Variants in ARFGAP2 observed in about 807,000 individuals in gnomAD.
ARFGAP2 encodes ADP-ribosylation factor GTPase-activating protein 2.
In ARFGAP2, 45 loss-of-function variants were observed where a neutral mutation model predicts 71.9. That is an observed-to-expected ratio of 0.63 (90% CI 0.49 to 0.80). The LOEUF is 0.80. ARFGAP2 is among the 30% of genes least tolerant of loss of function. The probability of loss-of-function intolerance (pLI) is 0.00; values close to 1 mark genes in which losing one functional copy is unlikely to be tolerated. For synonymous variants in ARFGAP2, 248 were observed against 249.2 expected, an observed-to-expected ratio of 1.00 and a Z score of 0.05; for missense variants, 633 against 673.9, an observed-to-expected ratio of 0.94 and a Z score of 0.67.
intron 7 of ARFGAP2, 22 bp downstream of exon 7, chr11:47,173,404 G>A (rs761549459): frequency 1.9e-6 from 3 of 1,552,082 alleles, no homozygotes; most frequent in Admixed American, 2.0e-5. Context: ...GACACCCCAC[G>A]CCTGCCCGCT....
At position 47,173,509 on chromosome 11, in the gene ARFGAP2, G is replaced by A. The variant is rs1243234386; in HGVS notation, c.563-27C>T. The A allele has an allele frequency of 3.2e-6, 5 of 1,542,532 alleles. No homozygotes were observed. The African/African-American group carries it at 5.5e-5, about 17-fold the overall frequency. ...TGTGGATGCAATGGTAGGAGTTAGA[G>A]ATGAGCTCCTAGCTTCCTGCAACCT... On this transcript the variant is annotated intron_variant, in intron 6 of 15. Coordinates refer to ENST00000524782, the MANE Select transcript of ARFGAP2 (RefSeq NM_032389.6).
chr11:47,166,294 C>T lies in ARFGAP2; in HGVS notation c.1519G>A (p.Ala507Thr). Residue 507 changes from alanine to threonine, a missense_variant, in exon 15 of 16, where the codon GCC becomes ACC. By Grantham distance (58) the Ala-to-Thr change is moderately conservative (BLOSUM62 0). Coordinates refer to ENST00000524782, the MANE Select transcript of ARFGAP2 (RefSeq NM_032389.6). ...KSVAGKMAVL[A>T]NGVMNSLQDR... ...TGCAAGGAATTCATCACACCATTGG[C>T]CAGCACAGCCATTTTCCCAGCCACA... is the stretch of plus-strand genomic sequence containing the variant. 1 of 1,614,232 alleles carries T rather than the reference C, an allele frequency of 6.2e-7. No individual in the cohort carries two copies. The highest frequency in any genetic ancestry group is 8.5e-7 in the Non-Finnish European group (1 of 1,180,032).
In ARFGAP2 at chr11:47,165,521, A is replaced by AG. The variant is rs199580077; in HGVS notation, c.1546-20_1546-19insC. ...AGCGATCCTGGGGGCGAGGGGGGAG[A>AG]AAAAAAAAAAAAAAGTCAGAGGCTC... On this transcript the variant is annotated intron_variant, in intron 15 of 15. Coordinates refer to ENST00000524782, the MANE Select transcript of ARFGAP2 (RefSeq NM_032389.6). 86 of 127,294 alleles carry AG rather than the reference A, an allele frequency of 6.8e-4. No individual in the cohort carries two copies. Among genetic ancestry groups the AG allele is most frequent in the Middle Eastern group, 1.9e-3 (1 of 520 alleles). The allele number at this position is 127,294 out of a possible 1,614,324, so 7.9% of individuals were successfully genotyped here.
intron 6 of ARFGAP2, 103 bp downstream of exon 6, chr11:47,173,655 AC>A: frequency 6.9e-7 from 1 of 1,455,308 alleles, no homozygotes; most frequent in Non-Finnish European, 9.2e-7. Context: ...ACCCAAAGAT[AC>A]AGGAGGACCC....
rs1342960140 is a variant in ARFGAP2 at position 47,175,444 on chromosome 11, G to A, written c.265-131C>T. 7 of 1,388,648 alleles carry A rather than the reference G, an allele frequency of 5.0e-6. No homozygotes were observed. The Admixed American group carries it at 5.5e-5, about 11-fold the overall frequency. 86.0% of individuals were successfully genotyped at this position (1,388,648 alleles called of 1,614,324 possible). ...CAGGATGATACACGCTACTGACACC[G>A]GTTTTTCAGAGATAAAGTTTCTCGA... On this transcript the variant is annotated intron_variant, in intron 3 of 15. Coordinates refer to ENST00000524782, the MANE Select transcript of ARFGAP2 (RefSeq NM_032389.6).
intron 15 of ARFGAP2, 94 bp from the exon 16 acceptor site, chr11:47,165,596 C>G: frequency 7.4e-7 from 1 of 1,348,602 alleles, no homozygotes; most frequent in Non-Finnish European, 9.9e-7. Flanking sequence ...CAGCACCCCA[C>G]AGCAAGACTG....
chr11:47,170,931 G>C (rs962874244), intron 10 of ARFGAP2, among the ~76,000 whole-genome samples: 2 of 152,124 alleles, frequency 1.3e-5, no homozygotes, highest in East Asian at 3.8e-4. Flanking sequence ...AGGCAACAGA[G>C]CAAGAATCTG....
At position 47,174,716 on chromosome 11, in the gene ARFGAP2, G is replaced by A. The variant is rs573127531; in HGVS notation, c.480+299C>T. 1.4e-3 allele frequency: 469 copies of A among 336,114 alleles called. 2 individuals carry two copies. Among genetic ancestry groups the A allele is most frequent in the Non-Finnish European group, 2.1e-3 (380 of 178,072 alleles). The allele number at this position is 336,114 out of a possible 1,614,324, so 20.8% of individuals were successfully genotyped here. On this transcript the variant is annotated intron_variant, in intron 5 of 15. Coordinates refer to ENST00000524782, the MANE Select transcript of ARFGAP2 (RefSeq NM_032389.6). ...GGCCCACAGTGCCTTTCTTATAGGG[G>A]AAGAATCCAGGAAAATTTGTTTGGG...
Position 47,173,756 on chromosome 11 carries a change from C to T in ARFGAP2, c.562+3G>A, listed in dbSNP as rs1952684510. The T allele has an allele frequency of 1.3e-6, 2 of 1,597,332 alleles. No homozygotes were observed. Among genetic ancestry groups the T allele is most frequent in the African/African-American group, 1.3e-5 (1 of 74,542 alleles). On this transcript the variant is annotated splice_donor_region_variant and intron_variant, in intron 6 of 15. Coordinates refer to ENST00000524782, the MANE Select transcript of ARFGAP2 (RefSeq NM_032389.6). ...ACCTGGTTGGAATCTGGGCTGAACT[C>T]ACGTGCCAGGCCACTGCTCTCTGTA...
In ARFGAP2 at chr11:47,166,573, C is replaced by T; in HGVS notation, c.1359G>A (p.Gln453=). The stretch of plus-strand genomic sequence containing the variant: ...AGCTGATGGCACTGCTGCCTGAGAG[C>T]TGCTGCAGCCGAGACCTGGCCTCAT... ...AEYEARSRLQ[Q]LSGSSAISSS... The change falls in exon 14 of 16, where the codon CAG becomes CAA. Residue 453 remains glutamine, a synonymous_variant. Transcript: ENST00000524782. 6.2e-7 allele frequency: 1 copy of T among 1,612,306 alleles called. No homozygotes were observed. The highest frequency in any genetic ancestry group is 1.3e-5 in the African/African-American group (1 of 75,064).
intron 12 of ARFGAP2, 54 bp downstream of exon 12, chr11:47,167,855 T>G: frequency 6.6e-7 from 1 of 1,504,242 alleles, no homozygotes. Flanking sequence ...TTCTCTACCT[T>G]CAGCTTGTTT....
chr11:47,167,875 A>AG, intron 12 of ARFGAP2, 34 bp downstream of exon 12: 1 of 1,524,802 alleles, frequency 6.6e-7, no homozygotes, highest in Non-Finnish European at 8.8e-7. Context: ...TAAAAAAAAA[A>AG]AAGAAAGAAA....
Position 47,172,347 on chromosome 11 carries a change from G to A in ARFGAP2, c.620-14C>T, listed in dbSNP as rs773325700. ...AGCTTTTCAGTTCTGCGTGAGAAAC[G>A]GGTAGGCATGAGCTAAGACAAAGGC... On this transcript the variant is annotated splice_polypyrimidine_tract_variant and intron_variant, in intron 7 of 15. Transcript: ENST00000524782. 52 of 1,613,950 alleles carry A rather than the reference G, an allele frequency of 3.2e-5. No individual in the cohort carries two copies. Among genetic ancestry groups the A allele is most frequent in the East Asian group, 2.5e-4 (11 of 44,894 alleles).
At chr11:47,175,958 AT>A in intron 2 of ARFGAP2, 35 bp from the exon 3 acceptor site, 1 of 1,610,136 alleles carries the variant, frequency 6.2e-7, no homozygotes. Flanking sequence ...CCACTAGCAG[AT>A]ACCAGCAGGA....
In ARFGAP2 at chr11:47,176,613, T is replaced by G; in HGVS notation, c.94A>C (p.Lys32Gln). ...TNKACFDCGA[K>Q]NPSWASITYG... The stretch of plus-strand genomic sequence containing the variant: ...GTGATGCTGGCCCAACTCGGATTCT[T>G]GGCGCCGCAGTCGAAACAGGCCTGG... The change falls in exon 2 of 16, where the codon AAG becomes CAG. Residue 32 changes from lysine to glutamine, a missense_variant. Lys to Gln is a moderately conservative substitution (Grantham distance 53). Coordinates refer to ENST00000524782, the MANE Select transcript of ARFGAP2 (RefSeq NM_032389.6). 6.2e-7 allele frequency: 1 copy of G among 1,614,064 alleles called. No homozygotes were observed. The highest frequency in any genetic ancestry group is 2.2e-5 in the East Asian group (1 of 44,868).
intron 7 of ARFGAP2, 106 bp downstream of exon 7, chr11:47,173,320 T>C (rs942525104): frequency 7.8e-7 from 1 of 1,279,330 alleles, no homozygotes. Flanking sequence ...AGATGCTCAG[T>C]CTCCTGTGGC....
At position 47,168,219 on chromosome 11, in the gene ARFGAP2, T is replaced by C. The variant is rs762208978; in HGVS notation, c.974A>G (p.Gln325Arg). 6.8e-6 allele frequency: 11 copies of C among 1,614,096 alleles called. No individual in the cohort carries two copies. Among genetic ancestry groups the C allele is most frequent in the Non-Finnish European group, 9.3e-6 (11 of 1,180,050 alleles). The change falls in exon 11 of 16, where the codon CAG (glutamine) becomes CGG (arginine). Residue 325 changes from glutamine to arginine, a missense_variant. By Grantham distance (43) the Gln-to-Arg change is conservative. Transcript: ENST00000524782. Reference protein sequence around the residue: ...SVSHSVLSEMQVIEQETPVSA... With the variant: ...SVSHSVLSEMRVIEQETPVSA... ...CACTGGGGTTTCCTGCTCAATCACC[T>C]GCATCTCAGACAGCACGGAGTGGGA...
chr11:47,166,345 C>T lies in ARFGAP2; in HGVS notation c.1468G>A (p.Ala490Thr), dbSNP rs753762146. 9.9e-6 allele frequency: 16 copies of T among 1,614,242 alleles called. 1 individual carries two copies. The South Asian group carries it at 1.6e-4, about 17-fold the overall frequency. The change falls in exon 15 of 16, where the codon GCC becomes ACC. Residue 490 changes from alanine (A) to threonine (T), a missense_variant. Ala to Thr is a moderately conservative substitution (Grantham distance 58). Coordinates refer to ENST00000524782, the MANE Select transcript of ARFGAP2 (RefSeq NM_032389.6). Reference sequence around the variant, plus strand: ...GACTTGACACCCTGCTTAAACTGGGCAATGTCCGCTGTAGGCAGCACGTTC... The same window carrying T: ...GACTTGACACCCTGCTTAAACTGGGTAATGTCCGCTGTAGGCAGCACGTTC... ...LGNVLPTADI[A>T]QFKQGVKSVA...
chr11:47,166,332 T>C lies in ARFGAP2; in HGVS notation c.1481A>G (p.Gln494Arg). The stretch of plus-strand genomic sequence containing the variant: ...TTTCCCAGCCACAGACTTGACACCC[T>C]GCTTAAACTGGGCAATGTCCGCTGT... ...LPTADIAQFK[Q>R]GVKSVAGKMA... The change falls in exon 15 of 16, where the codon CAG (glutamine) becomes CGG (arginine). Residue 494 changes from glutamine (Q) to arginine (R), a missense_variant. Transcript: ENST00000524782. The C allele has an allele frequency of 6.2e-7, 1 of 1,614,208 alleles. No individual in the cohort carries two copies. Among genetic ancestry groups the C allele is most frequent in the Non-Finnish European group, 8.5e-7 (1 of 1,180,044 alleles).
Sources: gnomAD v4.1 joint callset for allele counts (sites outside exome capture counted in the v4.1 genomes callset) on GRCh38, gnomAD v4.1.1 for gene constraint, MANE v1.5 for transcripts, NCBI Gene and HGNC (gene_info 2026-07-23, HGNC 2026-07-21) for gene names.